The following PLA1A variants were observed in gnomAD, a reference collection of about 807,000 sequenced individuals.
PLA1A encodes phospholipase A1 member A, also known as phosphatidylserine-specific phospholipase A1alpha.
In PLA1A, 47 loss-of-function variants were observed where a neutral mutation model predicts 49.4. The ratio of observed to expected loss-of-function variants is 0.95; its 90% CI spans 0.75 to 1.21. The LOEUF is 1.21. PLA1A is among the 50% of genes most tolerant of loss of function. The pLI is 0.00. For missense variants in PLA1A, 561 were observed against 563.9 expected, an observed-to-expected ratio of 0.99 and a Z score of 0.05; for synonymous variants, 224 against 207.9, an observed-to-expected ratio of 1.08 and a Z score of -0.67.
chr3:119,602,941 C>G (rs1485881181), intron 1 of PLA1A, among the ~76,000 whole-genome samples: 1 of 152,042 alleles, frequency 6.6e-6, no homozygotes, highest in Non-Finnish European at 1.5e-5. Flanking sequence ...GCATTCCAGG[C>G]AGAAGGAACA....
At chr3:119,609,034 G>A (rs1237835603) in intron 3 of PLA1A, 87 bp downstream of exon 3, 1 of 1,139,834 alleles carries the variant, frequency 8.8e-7, no homozygotes, top group Non-Finnish European at 1.3e-6. Context: ...AGGAGGCTTA[G>A]GGTGGAAGCA....
At chr3:119,624,328 CAT>C (rs1357638031) in intron 8 of PLA1A, among the ~76,000 whole-genome samples, 2 of 152,200 alleles carry the variant, frequency 1.3e-5, no homozygotes, top group Admixed American at 1.3e-4. Context: ...CTATTTCATT[CAT>C]GATAGTAGAG....
At chr3:119,625,805 G>T (rs953989611) in intron 9 of PLA1A, among the ~76,000 whole-genome samples, 2 of 152,154 alleles carry the variant, frequency 1.3e-5, no homozygotes, top group Non-Finnish European at 2.9e-5. Context: ...GCAGACTTGG[G>T]CTTGGGGGCT....
At chr3:119,620,058 T>C in intron 8 of PLA1A, 2 of 459,368 alleles carry the variant, frequency 4.4e-6, no homozygotes, top group Non-Finnish European at 8.7e-6. Context: ...TTCCCTCTGG[T>C]CTCCTTCCCC....
intron 8 of PLA1A, among the ~76,000 whole-genome samples, chr3:119,621,331 T>G (rs2107796477): frequency 6.6e-6 from 1 of 152,354 alleles, no homozygotes; most frequent in East Asian, 1.9e-4. Flanking sequence ...GTAGCCCTGT[T>G]GGTTCCAAAA....
intron 8 of PLA1A, among the ~76,000 whole-genome samples, chr3:119,623,717 C>CTTTTTTT (rs35309675): frequency 2.2e-4 from 22 of 101,490 alleles, no homozygotes; most frequent in African/African-American, 8.0e-4. Context: ...TTCTCTCTTT[C>CTTTTTTT]TTTTTTTTTT....
chr3:119,616,938 C>T (rs1423231895), intron 6 of PLA1A, among the ~76,000 whole-genome samples: 1 of 152,212 alleles, frequency 6.6e-6, no homozygotes, highest in African/African-American at 2.4e-5. Context: ...TGCCCCAGCT[C>T]CCTGTTGCAA....
At chr3:119,627,509 G>GA (rs1267674620) in intron 9 of PLA1A, among the ~76,000 whole-genome samples, 4 of 152,062 alleles carry the variant, frequency 2.6e-5, no homozygotes, top group Admixed American at 6.5e-5. Flanking sequence ...CCCTCAGAAG[G>GA]AAAAAACAAG....
Position 119,629,681 on chromosome 3 carries a change from C to A in PLA1A, c.*213C>A, listed in dbSNP as rs2052599667. 5 of 526,258 alleles carry A rather than the reference C, an allele frequency of 9.5e-6. No homozygotes were observed. In the South Asian group the frequency reaches 1.6e-4, roughly 17 times the overall value. The allele number at this position is 526,258 out of a possible 1,614,324, so 32.6% of individuals were successfully genotyped here. ...TTCCTTTGCCGATCTTATGTACATA[C>A]CCATTTTAGCTTTCCCATGCATACT... On this transcript the variant is annotated 3_prime_UTR_variant, in exon 11 of 11. Transcript: ENST00000273371.
chr3:119,626,723 G>A (rs1010896085), intron 9 of PLA1A, among the ~76,000 whole-genome samples: 1 of 152,184 alleles, frequency 6.6e-6, no homozygotes, highest in Non-Finnish European at 1.5e-5. Context: ...TCTGCTGGAA[G>A]GAGTGCATTT....
intron 1 of PLA1A, among the ~76,000 whole-genome samples, chr3:119,601,967 T>A (rs1003147021): frequency 6.6e-6 from 1 of 152,186 alleles, no homozygotes; most frequent in African/African-American, 2.4e-5. Flanking sequence ...ATACTTTTTT[T>A]AATGTTAAAA....
chr3:119,617,742 CA>C (rs11331421), intron 6 of PLA1A, among the ~76,000 whole-genome samples: 75,275 of 142,058 alleles, frequency 0.53, 19,460 homozygotes, highest in East Asian at 0.89. Context: ...GATTCCGTCT[CA>C]AAAAAAAAAG....
intron 2 of PLA1A, among the ~76,000 whole-genome samples, chr3:119,608,281 A>AAAGAAAG (rs1560078925): frequency 3.3e-5 from 5 of 150,498 alleles, no homozygotes; most frequent in African/African-American, 1.2e-4. Context: ...AGAAAGAAAG[A>AAAGAAAG]AAGAAAGAAA....
Position 119,609,469 on chromosome 3 carries a change from T to C in PLA1A, c.455T>C (p.Val152Ala). 1 of 1,598,838 alleles carries C rather than the reference T, an allele frequency of 6.3e-7. No individual in the cohort carries two copies. The highest frequency in any genetic ancestry group is 1.3e-5 in the African/African-American group (1 of 74,682). ...AACTCACTGTTCCTGCTCTTCTAGG[T>C]GCTGGGTGTGTCGGAATCCTCAATC... ...EISLFLNKLLVLGVSESSIHI... is the reference protein window; with the variant it reads ...EISLFLNKLLALGVSESSIHI... Residue 152 changes from valine (V) to alanine (A), a missense_variant and splice_region_variant, in exon 4 of 11, where the codon GTG (valine) becomes GCG (alanine). Transcript: ENST00000273371.
chr3:119,629,361 C>G (rs367639135), intron 10 of PLA1A, 23 bp from the exon 11 acceptor site: 23 of 1,451,120 alleles, frequency 1.6e-5, no homozygotes, highest in Non-Finnish European at 2.1e-5. Flanking sequence ...AGCCACTGCT[C>G]TCTTATTGCT....
intron 1 of PLA1A, chr3:119,600,232 T>C: frequency 3.4e-6 from 2 of 592,808 alleles, no homozygotes; most frequent in Non-Finnish European, 6.0e-6. Context: ...CCACTCACTT[T>C]CCTGGCTGTG....
chr3:119,601,908 T>C (rs1383292782), intron 1 of PLA1A, among the ~76,000 whole-genome samples: 7 of 152,190 alleles, frequency 4.6e-5, no homozygotes, highest in Non-Finnish European at 8.8e-5. Flanking sequence ...TCCGTTGAGA[T>C]GAGCATATGG....
intron 1 of PLA1A, among the ~76,000 whole-genome samples, chr3:119,598,430 T>C (rs1175161808): frequency 2.0e-5 from 3 of 152,222 alleles, no homozygotes; most frequent in Non-Finnish European, 2.9e-5. Context: ...ACTCAAGTGG[T>C]TTGTCATCCT....
rs1341902225 is a variant in PLA1A at position 119,608,761 on chromosome 3, CCT to C, written c.276-8_276-7del. The C allele has an allele frequency of 6.2e-7, 1 of 1,605,560 alleles. No homozygotes were observed. The highest frequency in any genetic ancestry group is 8.5e-7 in the Non-Finnish European group (1 of 1,174,278). On this transcript the variant is annotated splice_region_variant and splice_polypyrimidine_tract_variant and intron_variant, in intron 2 of 10. Coordinates refer to ENST00000273371, the MANE Select transcript of PLA1A (RefSeq NM_015900.4). ...TAATTTTTCCATTCTTTTTTGGCCCCCTGTCTAGGGTTTTAGGAACAAAGCCT... is the reference window on the plus strand; with the variant it reads ...TAATTTTTCCATTCTTTTTTGGCCCCGTCTAGGGTTTTAGGAACAAAGCCT...
Sources: allele counts gnomAD v4.1 joint callset (sites outside exome capture counted in the v4.1 genomes callset), GRCh38; gene constraint gnomAD v4.1.1; transcripts MANE v1.5; gene names NCBI Gene and HGNC (gene_info 2026-07-23, HGNC 2026-07-21).